HS3ST5: variants seen among roughly 807,000 people sequenced by gnomAD.
The protein encoded by HS3ST5 is heparan sulfate glucosamine 3-O-sulfotransferase 5.
A neutral mutation model predicts 25.4 loss-of-function variants in HS3ST5; 10 were observed. The ratio of observed to expected loss-of-function variants is 0.39; its 90% CI spans 0.24 to 0.67. The LOEUF is 0.67. Among genes scored for constraint, HS3ST5 ranks in the 30% least tolerant of loss-of-function variants. The pLI is 0.44. For missense variants in HS3ST5, 324 were observed against 420.7 expected, an observed-to-expected ratio of 0.77 and a Z score of 2.01; for synonymous variants, 170 against 162.4, an observed-to-expected ratio of 1.05 and a Z score of -0.36.
chr6:114,313,900 C>G (rs1015772872), intron 1 of HS3ST5, among the ~76,000 whole-genome samples: 3 of 149,388 alleles, frequency 2.0e-5, no homozygotes, highest in Non-Finnish European at 3.0e-5. Flanking sequence ...GCTTCTTTAA[C>G]TAGATTGTTG....
At chr6:114,238,910 GT>G (rs1771979206) in intron 1 of HS3ST5, 1 of 152,092 alleles carries the variant, frequency 6.6e-6, no homozygotes, top group Non-Finnish European at 1.5e-5. Context: ...TAAAATCTAG[GT>G]TTGTTGTCAG....
chr6:114,152,023 C>T (rs1306270216), intron 3 of HS3ST5, among the ~76,000 whole-genome samples: 6 of 152,020 alleles, frequency 3.9e-5, no homozygotes, highest in South Asian at 2.1e-4. Context: ...CTCTGCCTCC[C>T]GGCTTCAAGC....
At chr6:114,304,017 G>A (rs1328417292) in intron 1 of HS3ST5, among the ~76,000 whole-genome samples, 1 of 152,026 alleles carries the variant, frequency 6.6e-6, no homozygotes, top group Non-Finnish European at 1.5e-5. Flanking sequence ...AATCATTCAG[G>A]ACTTCCCCAT....
chr6:114,095,054 C>G (rs930990092), intron 3 of HS3ST5, among the ~76,000 whole-genome samples: 1 of 152,202 alleles, frequency 6.6e-6, no homozygotes, highest in Admixed American at 6.5e-5. Context: ...TTGTGAGACT[C>G]TGAAGCAGGG....
chr6:114,340,891 A>C (rs563067914), intron 1 of HS3ST5, among the ~76,000 whole-genome samples: 139 of 152,236 alleles, frequency 9.1e-4, no homozygotes, highest in African/African-American at 3.3e-3. Context: ...GAGAAGCACC[A>C]GCTGTTTATT....
chr6:114,280,603 A>G (rs1428578262), intron 1 of HS3ST5, among the ~76,000 whole-genome samples: 9 of 152,038 alleles, frequency 5.9e-5, no homozygotes, highest in Non-Finnish European at 1.3e-4. Context: ...TTGCTGCCTT[A>G]CACATCATAA....
chr6:114,090,622 T>C (rs765975004), intron 3 of HS3ST5, among the ~76,000 whole-genome samples: 6 of 152,232 alleles, frequency 3.9e-5, no homozygotes, highest in Non-Finnish European at 8.8e-5. Flanking sequence ...GCTATTCCCT[T>C]GTGCTGCAGC....
intron 3 of HS3ST5, among the ~76,000 whole-genome samples, chr6:114,144,127 A>G (rs1778040594): frequency 6.6e-6 from 1 of 152,208 alleles, no homozygotes; most frequent in African/African-American, 2.4e-5. Flanking sequence ...TCACCACTCT[A>G]CTCTGTAGCC....
At chr6:114,112,477 T>G (rs895646156) in intron 3 of HS3ST5, 3 of 152,254 alleles carry the variant, frequency 2.0e-5, no homozygotes, top group African/African-American at 7.2e-5. Context: ...TTTGGACTTC[T>G]GACCTGTAGC....
At chr6:114,182,749 C>A (rs976798994) in intron 2 of HS3ST5, among the ~76,000 whole-genome samples, 1 of 152,118 alleles carries the variant, frequency 6.6e-6, no homozygotes, top group Admixed American at 6.6e-5. Flanking sequence ...TCCAGTTATA[C>A]CAGCCTGTGA....
At chr6:114,278,614 C>T (rs1239987441) in intron 1 of HS3ST5, among the ~76,000 whole-genome samples, 1 of 151,914 alleles carries the variant, frequency 6.6e-6, no homozygotes, top group Non-Finnish European at 1.5e-5. Context: ...TTTTGGTCAG[C>T]TGCATTCTGA....
At chr6:114,262,948 A>G (rs527298902) in intron 1 of HS3ST5, among the ~76,000 whole-genome samples, 1 of 152,280 alleles carries the variant, frequency 6.6e-6, no homozygotes, top group South Asian at 2.1e-4. Context: ...CCAGAATATT[A>G]TTAGTAATAT....
chr6:114,131,309 T>A (rs1463443882), intron 3 of HS3ST5: 1 of 152,208 alleles, frequency 6.6e-6, no homozygotes, highest in Non-Finnish European at 1.5e-5. Context: ...AGAGAATTCA[T>A]AAAGTAGAAT....
At chr6:114,128,953 C>T (rs1777191567) in intron 3 of HS3ST5, among the ~76,000 whole-genome samples, 1 of 152,192 alleles carries the variant, frequency 6.6e-6, no homozygotes, top group African/African-American at 2.4e-5. Flanking sequence ...AAATTCTCTT[C>T]ATCTTTCTGT....
intron 3 of HS3ST5, among the ~76,000 whole-genome samples, chr6:114,104,650 T>G (rs1775903627): frequency 6.6e-6 from 1 of 152,178 alleles, no homozygotes; most frequent in South Asian, 2.1e-4. Context: ...AAATGTAGCT[T>G]CCCTAGGCAG....
intron 1 of HS3ST5, among the ~76,000 whole-genome samples, chr6:114,263,537 A>G (rs1036126032): frequency 2.0e-5 from 3 of 152,218 alleles, no homozygotes; most frequent in South Asian, 2.1e-4. Flanking sequence ...ATTTTCGGCT[A>G]CTTTTCTGCC....
Position 114,318,138 on chromosome 6 carries a change from A to G in HS3ST5, c.-339+24057T>C, listed in dbSNP as rs375249864. On this transcript the variant is annotated intron_variant, in intron 1 of 4. Transcript: ENST00000312719. ...AATCTCCACCATTTAACACCTTGCT[A>G]TTCATGGCTCTCTGTCCTGGAGAGT... Among the ~76,000 whole-genome samples, 32 of 152,234 alleles carry G rather than the reference A, an allele frequency of 2.1e-4. 1 individual carries two copies. In the South Asian group the frequency reaches 6.6e-3, roughly 32 times the overall value.
chr6:114,340,560 G>C (rs1425533417), intron 1 of HS3ST5: 1 of 152,144 alleles, frequency 6.6e-6, no homozygotes, highest in Non-Finnish European at 1.5e-5. Context: ...AAGTTAAGAA[G>C]CCTGCCCTGA....
intron 1 of HS3ST5, among the ~76,000 whole-genome samples, chr6:114,248,215 A>ATAT (rs1268612222): frequency 2.1e-5 from 3 of 140,278 alleles, no homozygotes; most frequent in Non-Finnish European, 4.6e-5. Context: ...AATGAAAAAA[A>ATAT]AAATATATAT....
Sources: allele counts gnomAD v4.1 joint callset (sites outside exome capture counted in the v4.1 genomes callset), GRCh38; gene constraint gnomAD v4.1.1; transcripts MANE v1.5; gene names NCBI Gene and HGNC (gene_info 2026-07-23, HGNC 2026-07-21).